The following RAB38 variants were observed in gnomAD, a reference collection of about 807,000 sequenced individuals.
RAB38 encodes ras-related protein Rab-38.
A neutral mutation model predicts 18.4 loss-of-function variants in RAB38; 15 were observed. The observed-to-expected ratio is 0.82, with a 90% CI of 0.55 to 1.26. The LOEUF (loss-of-function observed/expected upper bound fraction) is 1.26. RAB38 is among the 50% of genes most tolerant of loss of function. The pLI is 0.00. For missense variants in RAB38, 294 were observed against 267.4 expected (o/e 1.10, Z -0.69); for synonymous variants, 101 against 104.4 (o/e 0.97, Z 0.20).
chr11:87,902,186 A>G, the RAB38 span, among the ~76,000 whole-genome samples: 1 of 151,576 alleles, frequency 6.6e-6, no homozygotes, highest in Non-Finnish European at 1.5e-5. Flanking sequence ...CCCAAATGCC[A>G]GTGTTTTAAA....
the RAB38 span, among the ~76,000 whole-genome samples, chr11:87,940,166 C>A: frequency 6.5e-4 from 83 of 127,306 alleles, no homozygotes; most frequent in East Asian, 1.3e-3. Context: ...CCAGATAATA[C>A]AAAAAAAAAA....
At chr11:88,157,981 G>C (rs570984909) in intron 1 of RAB38, among the ~76,000 whole-genome samples, 24 of 151,908 alleles carry the variant, frequency 1.6e-4, no homozygotes, top group African/African-American at 2.2e-4. Context: ...AAGTATCAAT[G>C]AAAGCAAATG....
chr11:87,899,215 G>T, the RAB38 span, among the ~76,000 whole-genome samples: 7 of 151,620 alleles, frequency 4.6e-5, no homozygotes, highest in African/African-American at 1.7e-4. Context: ...AAGACGGAAG[G>T]TGTGGCTCCC....
the RAB38 span, among the ~76,000 whole-genome samples, chr11:87,809,251 A>C: frequency 6.6e-6 from 1 of 152,348 alleles, no homozygotes; most frequent in African/African-American, 2.4e-5. Context: ...AGGATATAGA[A>C]GTTTTGAAAG....
the RAB38 span, among the ~76,000 whole-genome samples, chr11:87,842,796 ACACACACACACACGCGCGCG>A: frequency 1.3e-4 from 13 of 98,908 alleles, no homozygotes; most frequent in East Asian, 2.4e-4. Context: ...ATGCGCATGC[ACACACACACACACGCGCGCG>A]CACACACACA....
the RAB38 span, among the ~76,000 whole-genome samples, chr11:87,829,087 T>G: frequency 1.3e-5 from 2 of 152,208 alleles, no homozygotes; most frequent in South Asian, 2.1e-4. Flanking sequence ...CAGATTAACC[T>G]AGGATAAAAT....
chr11:87,973,602 T>G, the RAB38 span, among the ~76,000 whole-genome samples: 3 of 143,946 alleles, frequency 2.1e-5, no homozygotes, highest in Non-Finnish European at 4.8e-5. Flanking sequence ...TGGCTGAAAT[T>G]TTGGTGTAGG....
chr11:88,096,306 CTGTCTA>C, the RAB38 span, among the ~76,000 whole-genome samples: 1 of 151,798 alleles, frequency 6.6e-6, no homozygotes, highest in Non-Finnish European at 1.5e-5. Flanking sequence ...ATTTCCTGTT[CTGTCTA>C]TAATTGTTTT....
the RAB38 span, among the ~76,000 whole-genome samples, chr11:87,950,630 C>T: frequency 1.7e-4 from 26 of 151,986 alleles, no homozygotes; most frequent in Admixed American, 1.7e-3. Flanking sequence ...GATTTTATTT[C>T]TCCTTCAGTT....
At chr11:87,842,790 GCATGCACACACACACA>G in the RAB38 span, among the ~76,000 whole-genome samples, 1 of 144,248 alleles carries the variant, frequency 6.9e-6, no homozygotes, top group Non-Finnish European at 1.5e-5. Flanking sequence ...ACATGCATGC[GCATGCACACACACACA>G]CACGCGCGCG....
At chr11:87,954,552 T>A in the RAB38 span, among the ~76,000 whole-genome samples, 1 of 151,644 alleles carries the variant, frequency 6.6e-6, no homozygotes, top group African/African-American at 2.4e-5. Flanking sequence ...AGGAACAGCC[T>A]TGTTGAGAAA....
At chr11:87,914,590 G>A in the RAB38 span, among the ~76,000 whole-genome samples, 54 of 152,248 alleles carry the variant, frequency 3.5e-4, no homozygotes, top group African/African-American at 1.2e-3. Flanking sequence ...CTACCTATGG[G>A]GTAGAGAATG....
the RAB38 span, among the ~76,000 whole-genome samples, chr11:88,087,325 A>G: frequency 6.6e-6 from 1 of 151,954 alleles, no homozygotes; most frequent in Admixed American, 6.6e-5. Context: ...GTCCATTTGC[A>G]TTGCTGTAAA....
chr11:88,090,867 G>C, the RAB38 span, among the ~76,000 whole-genome samples: 1 of 151,954 alleles, frequency 6.6e-6, no homozygotes, highest in Admixed American at 6.6e-5. Flanking sequence ...CCAAAGGCCT[G>C]GTTAGGTCCA....
At chr11:88,012,787 G>C in the RAB38 span, among the ~76,000 whole-genome samples, 9 of 152,132 alleles carry the variant, frequency 5.9e-5, no homozygotes, top group African/African-American at 2.2e-4. Flanking sequence ...CAATGTCCCA[G>C]TGGGTGCTTG....
chr11:88,163,003 G>A (rs1411471903), intron 1 of RAB38, among the ~76,000 whole-genome samples: 2 of 152,030 alleles, frequency 1.3e-5, no homozygotes, highest in African/African-American at 4.8e-5. Flanking sequence ...TTTTATGACT[G>A]CCTGGACTCA....
chr11:88,098,151 G>C, the RAB38 span: 1 of 151,828 alleles, frequency 6.6e-6, no homozygotes, highest in Non-Finnish European at 1.5e-5. Flanking sequence ...CTGGTTTCTT[G>C]TCAGAAATTT....
the RAB38 span, among the ~76,000 whole-genome samples, chr11:87,837,477 G>C: frequency 1.3e-5 from 2 of 152,216 alleles, no homozygotes; most frequent in Admixed American, 1.3e-4. Context: ...TAAGCTTCTA[G>C]ACCTTCATAA....
At chr11:87,951,508 T>C in the RAB38 span, among the ~76,000 whole-genome samples, 2 of 152,270 alleles carry the variant, frequency 1.3e-5, no homozygotes, top group East Asian at 1.9e-4. Flanking sequence ...CTCTGTTTTT[T>C]TTTTCCCATC....
Sources: gnomAD v4.1 joint callset for allele counts (sites outside exome capture counted in the v4.1 genomes callset) on GRCh38, gnomAD v4.1.1 for gene constraint, MANE v1.5 for transcripts, NCBI Gene and HGNC (gene_info 2026-07-23, HGNC 2026-07-21) for gene names.